Variants in DSC3 observed in about 807,000 individuals in gnomAD.
DSC3 encodes the protein desmocollin-3.
In DSC3, 97 loss-of-function variants were observed where a neutral mutation model predicts 89.5. The observed-to-expected ratio is 1.08, with a 90% CI of 0.92 to 1.28. The LOEUF is 1.28. Ranked by LOEUF, DSC3 falls within the 50% of genes most tolerant of loss-of-function variation. The pLI is 0.00. For missense variants in DSC3, 1,199 were observed against 1,085.3 expected (o/e 1.10, Z -1.47); for synonymous variants, 436 against 384.1 (o/e 1.14, Z -1.58).
rs1567946369 is a variant in DSC3, at chr18:30,993,353, C to T, written c.*822G>A. The T allele has an allele frequency of 6.6e-6, 1 of 152,126 alleles. No homozygotes were observed. 9.4% of individuals were successfully genotyped at this position (152,126 alleles called of 1,614,324 possible). ...ACTGTTCCATTGGATTCCCTATTTC[C>T]TTCCCACAGAAACCAGAAAAGTTTA... On this transcript the variant is annotated 3_prime_UTR_variant, in exon 16 of 16. Transcript: ENST00000360428.
intron 15 of DSC3, among the ~76,000 whole-genome samples, chr18:30,995,995 A>AG (rs1332816042): frequency 2.0e-4 from 30 of 147,966 alleles, no homozygotes; most frequent in Admixed American, 4.7e-4. Flanking sequence ...AAAAAAAAAA[A>AG]AAAAGAAAAG....
At chr18:31,013,890 C>T (rs886547984) in intron 9 of DSC3, among the ~76,000 whole-genome samples, 1 of 152,040 alleles carries the variant, frequency 6.6e-6, no homozygotes, top group African/African-American at 2.4e-5. Flanking sequence ...AATTCCATTT[C>T]TAGAAATTTA....
intron 13 of DSC3, among the ~76,000 whole-genome samples, chr18:31,002,059 T>G (rs191271323): frequency 6.6e-6 from 1 of 152,220 alleles, no homozygotes; most frequent in Admixed American, 6.5e-5. Context: ...TTGAAAAAAT[T>G]TACTGATTCC....
At chr18:31,036,385 T>C (rs1048623724) in intron 1 of DSC3, among the ~76,000 whole-genome samples, 3 of 152,202 alleles carry the variant, frequency 2.0e-5, no homozygotes, top group African/African-American at 4.8e-5. Flanking sequence ...CACTTATCTA[T>C]TGTTTGTGCT....
At position 31,035,481 on chromosome 18, in the gene DSC3, T is replaced by C. The variant is rs544064596; in HGVS notation, c.70-3205A>G. On this transcript the variant is annotated intron_variant, in intron 1 of 15. Coordinates refer to ENST00000360428, the MANE Select transcript of DSC3 (RefSeq NM_001941.5). Reference sequence around the variant, plus strand: ...AAAAACATATCATACATATGCTTAATTTAATATTTTCCTTAAGTATATAGT... The same window carrying C: ...AAAAACATATCATACATATGCTTAACTTAATATTTTCCTTAAGTATATAGT... Among the ~76,000 whole-genome samples, 7 of 152,192 alleles carry C rather than the reference T, an allele frequency of 4.6e-5. No individual in the cohort carries two copies. In the East Asian group the frequency reaches 1.4e-3, roughly 29 times the overall value.
At position 30,994,214 on chromosome 18, in the gene DSC3, G is replaced by A. The variant is rs368254319; in HGVS notation, c.2652C>T (p.Pro884=). ...ATGCTTCTGCTAATGTAATAAATTT[G>A]GGTTCCAAATTATTTAAAAAGTCAA... is the stretch of plus-strand genomic sequence containing the variant. The part of the protein sequence containing the change: ...DGLDFLNNLE[P]KFITLAEACT... The change falls in exon 16 of 16, where the codon CCC becomes CCT. Residue 884 remains proline (P), a synonymous_variant. Coordinates refer to ENST00000360428, the MANE Select transcript of DSC3 (RefSeq NM_001941.5). 5.6e-6 allele frequency: 9 copies of A among 1,613,798 alleles called. No individual in the cohort carries two copies. The highest frequency in any genetic ancestry group is 3.3e-4 in the Middle Eastern group (2 of 6,082).
intron 9 of DSC3, among the ~76,000 whole-genome samples, chr18:31,010,107 A>C (rs564241952): frequency 5.1e-4 from 77 of 152,366 alleles, no homozygotes; most frequent in African/African-American, 1.8e-3. Flanking sequence ...ATTATTTTAA[A>C]TCTTTCTCCA....
chr18:31,005,272 G>A (rs910242629), intron 12 of DSC3, among the ~76,000 whole-genome samples: 7 of 152,200 alleles, frequency 4.6e-5, no homozygotes, highest in African/African-American at 1.7e-4. Context: ...AAATCTCTCC[G>A]CTCCCTCAAG....
At chr18:31,029,381 T>G in intron 4 of DSC3, 128 bp downstream of exon 4, 1 of 1,221,094 alleles carries the variant, frequency 8.2e-7, no homozygotes, top group Non-Finnish European at 1.2e-6. Context: ...CTCATTTTAC[T>G]TTTGTTACAC....
intron 1 of DSC3, among the ~76,000 whole-genome samples, chr18:31,033,750 G>C (rs1339644471): frequency 6.6e-6 from 1 of 152,144 alleles, no homozygotes; most frequent in Non-Finnish European, 1.5e-5. Flanking sequence ...CTTATTCAAA[G>C]TAAAAACTTC....
chr18:31,033,657 A>G (rs1985875952), intron 1 of DSC3, among the ~76,000 whole-genome samples: 1 of 152,230 alleles, frequency 6.6e-6, no homozygotes, highest in Non-Finnish European at 1.5e-5. Context: ...CTTGAGAGCA[A>G]ATCTTTATGA....
chr18:31,011,676 A>C (rs1453783150), intron 9 of DSC3, among the ~76,000 whole-genome samples: 1 of 152,150 alleles, frequency 6.6e-6, no homozygotes, highest in Non-Finnish European at 1.5e-5. Context: ...TTTCAAATAA[A>C]AGATGACTCA....
intron 14 of DSC3, among the ~76,000 whole-genome samples, chr18:30,998,805 A>T (rs1567948798): frequency 6.6e-6 from 1 of 152,202 alleles, no homozygotes; most frequent in Non-Finnish European, 1.5e-5. Context: ...GAAAAATCAC[A>T]GCAAGGTAAG....
chr18:31,018,325 C>A (rs1295253061), intron 8 of DSC3, 69 bp from the exon 9 acceptor site: 10 of 1,250,658 alleles, frequency 8.0e-6, no homozygotes, highest in Non-Finnish European at 1.1e-5. Context: ...AAAGTTTCTT[C>A]CATTCCAAAA....
intron 14 of DSC3, among the ~76,000 whole-genome samples, chr18:30,999,778 G>A (rs968645073): frequency 5.9e-5 from 9 of 152,024 alleles, no homozygotes; most frequent in African/African-American, 2.2e-4. Context: ...CAGATCCAAA[G>A]CTAAAATGAT....
rs1359359811 is a variant in DSC3 at position 31,004,168 on chromosome 18, A to G, written c.2087T>C (p.Ile696Thr). The G allele has an allele frequency of 4.3e-6, 7 of 1,613,670 alleles. No homozygotes were observed. The highest frequency in any genetic ancestry group is 5.1e-6 in the Non-Finnish European group (6 of 1,179,632). ...VILGKWAILAILLGIALLFSV... is the reference protein window; with the variant it reads ...VILGKWAILATLLGIALLFSV... ...AAAGAGCAGTGCTATACCCAGTAATATTGCAAGGATTGCCCATTTTCCAAG... is the reference window on the plus strand; with the variant it reads ...AAAGAGCAGTGCTATACCCAGTAATGTTGCAAGGATTGCCCATTTTCCAAG... The change falls in exon 13 of 16, where the codon ATA becomes ACA. Residue 696 changes from isoleucine (I) to threonine (T), a missense_variant. Physicochemically the swap from Ile to Thr is moderately conservative, Grantham distance 89. Coordinates refer to ENST00000360428, the MANE Select transcript of DSC3 (RefSeq NM_001941.5).
intron 15 of DSC3, among the ~76,000 whole-genome samples, chr18:30,995,808 C>G (rs1984434026): frequency 6.6e-6 from 1 of 151,236 alleles, no homozygotes; most frequent in Non-Finnish European, 1.5e-5. Flanking sequence ...ACCTTCTCCA[C>G]AAAAAATACA....
intron 9 of DSC3, among the ~76,000 whole-genome samples, chr18:31,010,079 T>C (rs527773509): frequency 6.6e-6 from 1 of 152,306 alleles, no homozygotes; most frequent in Non-Finnish European, 1.5e-5. Context: ...TTGAACAAAA[T>C]CAAAACTGGT....
rs1198255483 is a variant in DSC3 at position 30,996,901 on chromosome 18, C to G, written c.2383G>C (p.Ala795Pro). The change falls in exon 15 of 16, where the codon GCT (alanine) becomes CCT (proline). Residue 795 changes from alanine to proline, a missense_variant. By Grantham distance (27) the Ala-to-Pro change is conservative. Coordinates refer to ENST00000360428, the MANE Select transcript of DSC3 (RefSeq NM_001941.5). ...GAGTCCAGGGTATGATGATGCCCAG[C>G]CCCCCGGCAGGATTCCAAGGTCTGG... ...GNQTLESCRG[A>P]GHHHTLDSCR... 14 of 1,613,772 alleles carry G rather than the reference C, an allele frequency of 8.7e-6. No homozygotes were observed. The highest frequency in any genetic ancestry group is 3.3e-4 in the Middle Eastern group (2 of 6,082).
Sources: gnomAD v4.1 joint callset for allele counts (sites outside exome capture counted in the v4.1 genomes callset) on GRCh38, gnomAD v4.1.1 for gene constraint, MANE v1.5 for transcripts, NCBI Gene and HGNC (gene_info 2026-07-23, HGNC 2026-07-21) for gene names.